The following SLC1A7 variants were observed in gnomAD, a reference collection of about 807,000 sequenced individuals.
The protein encoded by SLC1A7 is solute carrier family 1 member 7.
A neutral mutation model predicts 47.7 loss-of-function variants in SLC1A7; 40 were observed. That is an observed-to-expected ratio of 0.84 (90% CI 0.65 to 1.09). The LOEUF (loss-of-function observed/expected upper bound fraction) is 1.09. SLC1A7 is among the 50% of genes least tolerant of loss of function. The probability of loss-of-function intolerance (pLI) is 0.00; values close to 1 mark genes in which losing one functional copy is unlikely to be tolerated. For synonymous variants in SLC1A7, 323 were observed against 325.6 expected (o/e 0.99, Z 0.09); for missense variants, 746 against 769.5 (o/e 0.97, Z 0.36).
intron 2 of SLC1A7, 116 bp downstream of exon 2, chr1:53,134,234 A>G (rs1644968572): frequency 2.9e-6 from 2 of 680,386 alleles, no homozygotes; most frequent in African/African-American, 3.6e-5. Context: ...CCACGGTCAC[A>G]CTCATCCCAG....
At chr1:53,139,160 C>G (rs1325409692) in intron 1 of SLC1A7, among the ~76,000 whole-genome samples, 1 of 152,230 alleles carries the variant, frequency 6.6e-6, no homozygotes, top group Non-Finnish European at 1.5e-5. Flanking sequence ...GGTTTGTCAA[C>G]TGACGGCCCT....
rs544739142 is a variant in SLC1A7 at position 53,094,809 on chromosome 1, C to T, written c.698-1249G>A. Among the ~76,000 whole-genome samples the T allele has an allele frequency of 1.5e-3, 230 of 152,350 alleles. 3 individuals carry two copies. The highest frequency in any genetic ancestry group is 5.2e-3 in the African/African-American group (217 of 41,584). The stretch of plus-strand genomic sequence containing the variant: ...CCATTTGGATTTTCCCAGGGGCATC[C>T]GAGGACTGGCTGCTGGGAGCCAGTG... On this transcript the variant is annotated intron_variant, in intron 5 of 10. Coordinates refer to ENST00000371494, the MANE Select transcript of SLC1A7 (RefSeq NM_006671.6).
intron 5 of SLC1A7, 142 bp downstream of exon 5, chr1:53,103,204 G>T: frequency 1.5e-6 from 1 of 648,854 alleles, no homozygotes; most frequent in Non-Finnish European, 2.6e-6. Context: ...TAAATAAACA[G>T]GTGTGGTGAA....
intron 2 of SLC1A7, among the ~76,000 whole-genome samples, chr1:53,125,941 G>C (rs1452920897): frequency 6.6e-6 from 1 of 152,232 alleles, no homozygotes; most frequent in African/African-American, 2.4e-5. Context: ...TAGTACAGGG[G>C]AGTAGGACCA....
In SLC1A7 at chr1:53,092,796, G is replaced by T; in HGVS notation, c.798-9C>A. On this transcript the variant is annotated splice_polypyrimidine_tract_variant and intron_variant, in intron 6 of 10. Transcript: ENST00000371494. ...TGCCGAAGGGGAAATACCTGGGGGC[G>T]GCGGGGCAGCCAGGCTCAGGAACCA... 2 of 1,582,918 alleles carry T rather than the reference G, an allele frequency of 1.3e-6. No homozygotes were observed. The highest frequency in any genetic ancestry group is 2.2e-5 in the South Asian group (2 of 90,502).
At chr1:53,137,041 C>A (rs1274835737) in intron 1 of SLC1A7, among the ~76,000 whole-genome samples, 1 of 151,852 alleles carries the variant, frequency 6.6e-6, no homozygotes, top group Non-Finnish European at 1.5e-5. Flanking sequence ...AATCCCAGCA[C>A]TTTGGGAGGC....
intron 2 of SLC1A7, among the ~76,000 whole-genome samples, chr1:53,117,787 C>T (rs1469481863): frequency 6.6e-6 from 1 of 152,232 alleles, no homozygotes; most frequent in Non-Finnish European, 1.5e-5. Context: ...GTGGCGCCAA[C>T]TCAGGGACAG....
chr1:53,108,139 T>C, intron 3 of SLC1A7: 1 of 180,024 alleles, frequency 5.6e-6, no homozygotes, highest in Non-Finnish European at 1.2e-5. Context: ...AAATGCCAAC[T>C]CTGAGGTGAG....
intron 2 of SLC1A7, among the ~76,000 whole-genome samples, chr1:53,121,265 T>G (rs890358281): frequency 6.6e-5 from 10 of 152,034 alleles, no homozygotes; most frequent in Non-Finnish European, 1.2e-4. Context: ...AGATCAGACG[T>G]GAAAAGGACG....
intron 5 of SLC1A7, among the ~76,000 whole-genome samples, chr1:53,097,649 C>G (rs1278931301): frequency 6.6e-6 from 1 of 151,480 alleles, no homozygotes; most frequent in African/African-American, 2.4e-5. Context: ...CCTCCAAGCA[C>G]TCACACATCC....
At chr1:53,129,921 A>ATGCTTCCTGCTCCCC in intron 2 of SLC1A7, among the ~76,000 whole-genome samples, 3 of 94,706 alleles carry the variant, frequency 3.2e-5, no homozygotes, top group African/African-American at 1.2e-4. Context: ...GACCCTGCCC[A>ATGCTTCCTGCTCCCC]CGGAGGGGGC....
intron 3 of SLC1A7, among the ~76,000 whole-genome samples, chr1:53,110,544 G>A (rs1344690424): frequency 6.6e-6 from 1 of 152,126 alleles, no homozygotes; most frequent in Non-Finnish European, 1.5e-5. Flanking sequence ...ATTTGACTGT[G>A]GCACGTGTTT....
At chr1:53,119,475 A>T (rs959661647) in intron 2 of SLC1A7, among the ~76,000 whole-genome samples, 37 of 152,286 alleles carry the variant, frequency 2.4e-4, no homozygotes, top group African/African-American at 8.7e-4. Context: ...CAGCCTCCCA[A>T]GTAGCTGGGA....
Position 53,087,767 on chromosome 1 carries a change from A to C in SLC1A7, c.*242T>G. 8.6e-6 allele frequency: 3 copies of C among 348,436 alleles called. No individual in the cohort carries two copies. The highest frequency in any genetic ancestry group is 1.0e-5 in the Non-Finnish European group (2 of 193,234). 21.6% of individuals were successfully genotyped at this position (348,436 alleles called of 1,614,324 possible). A position where few individuals can be genotyped will look rare whatever the true frequency, so the allele number is the denominator to read the frequency against. On this transcript the variant is annotated 3_prime_UTR_variant, in exon 11 of 11. Transcript: ENST00000371494. The stretch of plus-strand genomic sequence containing the variant: ...GCCCTCACCGGGCTCACACCGGGGA[A>C]ACTGTCACAGCGGGGCCTCAGGCAA...
intron 1 of SLC1A7, among the ~76,000 whole-genome samples, chr1:53,138,794 T>C (rs1314738224): frequency 1.3e-5 from 2 of 152,212 alleles, no homozygotes; most frequent in Non-Finnish European, 1.5e-5. Flanking sequence ...TATTTATCCT[T>C]TCTATGTGTT....
At chr1:53,090,578 G>A (rs552623316) in intron 8 of SLC1A7, 34 bp downstream of exon 8, 66 of 1,526,640 alleles carry the variant, frequency 4.3e-5, no homozygotes, top group African/African-American at 1.4e-4. Flanking sequence ...CCCAGCCCCC[G>A]CCCCATCCAC....
At chr1:53,108,438 C>T (rs910270355) in intron 3 of SLC1A7, 10 of 624,120 alleles carry the variant, frequency 1.6e-5, no homozygotes, top group African/African-American at 9.3e-5. Flanking sequence ...TCCATTCTCC[C>T]GTCCTTCCTT....
chr1:53,123,381 A>G (rs955684180), intron 2 of SLC1A7, among the ~76,000 whole-genome samples: 9 of 152,090 alleles, frequency 5.9e-5, no homozygotes, highest in Non-Finnish European at 1.0e-4. Flanking sequence ...GCGGTTCTCC[A>G]CAGAGAAGGG....
chr1:53,092,793 G>C lies in SLC1A7; in HGVS notation c.798-6C>G. On this transcript the variant is annotated splice_polypyrimidine_tract_variant and splice_region_variant and intron_variant, in intron 6 of 10. Transcript: ENST00000371494. ...CAATGCCGAAGGGGAAATACCTGGG[G>C]GCGGCGGGGCAGCCAGGCTCAGGAA... 2 of 1,590,986 alleles carry C rather than the reference G, an allele frequency of 1.3e-6. No homozygotes were observed. Among genetic ancestry groups the C allele is most frequent in the Non-Finnish European group, 1.7e-6 (2 of 1,159,672 alleles).
Sources: allele counts gnomAD v4.1 joint callset (sites outside exome capture counted in the v4.1 genomes callset), GRCh38; gene constraint gnomAD v4.1.1; transcripts MANE v1.5; gene names NCBI Gene and HGNC (gene_info 2026-07-23, HGNC 2026-07-21).